Variants in ADAMTS2 observed in about 807,000 individuals in gnomAD.
ADAMTS2 encodes the protein A disintegrin and metalloproteinase with thrombospondin motifs 2.
ADAMTS2 carries 50 observed loss-of-function variants against 123.0 expected under a neutral mutation model. That is an observed-to-expected ratio of 0.41 (90% confidence interval 0.32 to 0.51). ADAMTS2 has a LOEUF of 0.51. ADAMTS2 is among the 20% of genes least tolerant of loss of function. The pLI, the probability that ADAMTS2 is intolerant of heterozygous loss-of-function variation, is 0.35. For missense variants in ADAMTS2, 1,494 were observed against 1,705.2 expected, an observed-to-expected ratio of 0.88 and a Z score of 2.18; for synonymous variants, 678 against 695.4, an observed-to-expected ratio of 0.98 and a Z score of 0.39.
chr5:179,246,432 G>A (rs745959099), intron 3 of ADAMTS2, among the ~76,000 whole-genome samples: 2 of 152,124 alleles, frequency 1.3e-5, no homozygotes, highest in African/African-American at 2.4e-5. Context: ...GACAATAGTT[G>A]GGGCAAGACG....
rs1561792662 is a variant in ADAMTS2 at position 179,181,687 on chromosome 5, T to G, written c.892-532A>C. On this transcript the variant is annotated intron_variant, in intron 4 of 21. Coordinates refer to ENST00000251582, the MANE Select transcript of ADAMTS2 (RefSeq NM_014244.5). The surrounding 1 kb of genome is among the most constrained non-coding windows in gnomAD (Gnocchi z 4.1). ...TTAATAAAAAGCTCATATTACTGCATCCCCAATGTGCTCTCCCTGTTCTGT... is the reference window on the plus strand; with the variant it reads ...TTAATAAAAAGCTCATATTACTGCAGCCCCAATGTGCTCTCCCTGTTCTGT... Among the ~76,000 whole-genome samples, 1 of 152,164 alleles carries G rather than the reference T, an allele frequency of 6.6e-6. No individual in the cohort carries two copies. The highest frequency in any genetic ancestry group is 2.4e-5 in the African/African-American group (1 of 41,434).
chr5:179,191,036 C>A (rs185389695), intron 4 of ADAMTS2, among the ~76,000 whole-genome samples: 1 of 152,284 alleles, frequency 6.6e-6, no homozygotes, highest in African/African-American at 2.4e-5. Context: ...CCTTCCCACC[C>A]GCTGACCGGA....
chr5:179,212,095 T>C (rs1764866437), intron 3 of ADAMTS2, among the ~76,000 whole-genome samples: 1 of 152,218 alleles, frequency 6.6e-6, no homozygotes, highest in African/African-American at 2.4e-5. Flanking sequence ...GGAATGAGAA[T>C]TGTAGAAACA....
Position 179,170,390 on chromosome 5 carries a change from C to A in ADAMTS2, c.975+10682G>T, listed in dbSNP as rs558794616. On this transcript the variant is annotated intron_variant, in intron 5 of 21. Transcript: ENST00000251582. This position sits in a 1 kb window ranked among gnomAD's most constrained non-coding sequence, Gnocchi z 4.3. ...TGGTCTCACATCCCCCAGAGTCTGT[C>A]CCCACCGTGGGGGGGACAGCTCAGC... Among the ~76,000 whole-genome samples, 4 of 152,214 alleles carry A rather than the reference C, an allele frequency of 2.6e-5. No individual in the cohort carries two copies. In the South Asian group the frequency reaches 6.2e-4, roughly 24 times the overall value.
intron 4 of ADAMTS2, among the ~76,000 whole-genome samples, chr5:179,205,431 A>C (rs1764657267): frequency 6.6e-6 from 1 of 152,256 alleles, no homozygotes; most frequent in Admixed American, 6.5e-5. Flanking sequence ...AACCCCCACG[A>C]TGAAAACACT....
chr5:179,231,113 A>G (rs1109179), intron 3 of ADAMTS2, among the ~76,000 whole-genome samples: 114,634 of 151,970 alleles, frequency 0.75, 43,623 homozygotes, highest in East Asian at 0.99. Context: ...CCCCCTCCCC[A>G]CATGCACACG....
At chr5:179,258,104 T>C (rs1232433046) in intron 3 of ADAMTS2, among the ~76,000 whole-genome samples, 2 of 152,114 alleles carry the variant, frequency 1.3e-5, no homozygotes, top group Middle Eastern at 3.2e-3. Context: ...GATGCTCTCA[T>C]CCTGGGGGCT....
Position 179,137,844 on chromosome 5 carries a change from G to T in ADAMTS2, c.1876C>A (p.Gln626Lys). 1 of 1,568,976 alleles carries T rather than the reference G, an allele frequency of 6.4e-7. No homozygotes were observed. Among genetic ancestry groups the T allele is most frequent in the Non-Finnish European group, 8.6e-7 (1 of 1,158,506 alleles). ...AAGTACAGGTCCCACTGGCGGCACT[G>T]CTCCTCGCGGAAGTCAGCCAGGGAG... Reference protein sequence around the residue: ...PDSLADFREEQCRQWDLYFEH... With the variant: ...PDSLADFREEKCRQWDLYFEH... Residue 626 changes from glutamine (Q) to lysine (K), a missense_variant, in exon 12 of 22, where the codon CAG (glutamine) becomes AAG (lysine). Transcript: ENST00000251582.
At chr5:179,334,312 A>G (rs564448729) in intron 2 of ADAMTS2, among the ~76,000 whole-genome samples, 1 of 152,314 alleles carries the variant, frequency 6.6e-6, no homozygotes, top group African/African-American at 2.4e-5. Context: ...TTCCTGGCCC[A>G]GCAAAGTGGA....
At chr5:179,223,033 C>G (rs754078867) in intron 3 of ADAMTS2, among the ~76,000 whole-genome samples, 1 of 152,260 alleles carries the variant, frequency 6.6e-6, no homozygotes, top group Non-Finnish European at 1.5e-5. Context: ...TGCCCTCCAC[C>G]AGGACAAGTC....
At chr5:179,249,762 C>T (rs1765877671) in intron 3 of ADAMTS2, among the ~76,000 whole-genome samples, 1 of 152,120 alleles carries the variant, frequency 6.6e-6, no homozygotes, top group African/African-American at 2.4e-5. Flanking sequence ...TCATCAAAAA[C>T]TCCCAATAAA....
chr5:179,200,244 C>CTTTTTTTTTTT (rs1051856642), intron 4 of ADAMTS2, among the ~76,000 whole-genome samples: 24 of 103,694 alleles, frequency 2.3e-4, no homozygotes, highest in Non-Finnish European at 4.1e-4. Context: ...CCTTTCTTTC[C>CTTTTTTTTTTT]TTTTTTTTTT....
In ADAMTS2 at chr5:179,197,316, G is replaced by A. The variant is rs965377366; in HGVS notation, c.891+10197C>T. ...AACACATTGAGGCCTTAGGCTTCTC[G>A]GGAAGAGTAGGATTGAAATTAGCGC... On this transcript the variant is annotated intron_variant, in intron 4 of 21. Coordinates refer to ENST00000251582, the MANE Select transcript of ADAMTS2 (RefSeq NM_014244.5). This position sits in a 1 kb window ranked among gnomAD's most constrained non-coding sequence, Gnocchi z 4.2. 3.9e-5 allele frequency among the ~76,000 whole-genome samples: 6 copies of A among 152,192 alleles called. No individual in the cohort carries two copies. The highest frequency in any genetic ancestry group is 9.7e-5 in the African/African-American group (4 of 41,438).
Position 179,344,156 on chromosome 5 carries a change from G to T in ADAMTS2, c.145C>A (p.Pro49Thr). 1 of 1,589,620 alleles carries T rather than the reference G, an allele frequency of 6.3e-7. No individual in the cohort carries two copies. The highest frequency in any genetic ancestry group is 8.5e-7 in the Non-Finnish European group (1 of 1,170,700). Residue 49 changes from proline to threonine, a missense_variant, in exon 2 of 22, where the codon CCC (proline) becomes ACC (threonine). Physicochemically the swap from Pro to Thr is conservative, Grantham distance 38. Coordinates refer to ENST00000251582, the MANE Select transcript of ADAMTS2 (RefSeq NM_014244.5). ...ATGCGCTCCGCTCCGTGCCCCAGGG[G>T]CCCGCCTGCAACGGGAAGGGGCGTT... ...LAAAADPPGG[P>T]LGHGAERILA...
Position 179,272,941 on chromosome 5 carries a change from G to T in ADAMTS2, c.658C>A (p.Pro220Thr), listed in dbSNP as rs1271402752. ...VVYRRPPTSPPLGGPQALDTG... is the reference protein window; with the variant it reads ...VVYRRPPTSPTLGGPQALDTG... ...TCCAGGGCCTGTGGCCCCCCGAGAG[G>T]AGGGGACGTGGGTGGCCGGCGATAC... is the stretch of plus-strand genomic sequence containing the variant. Residue 220 changes from proline (P) to threonine (T), a missense_variant, in exon 3 of 22, where the codon CCT becomes ACT. Pro to Thr is a conservative substitution (Grantham distance 38, BLOSUM62 -1). Coordinates refer to ENST00000251582, the MANE Select transcript of ADAMTS2 (RefSeq NM_014244.5). This position sits in a 1 kb window ranked among gnomAD's most constrained non-coding sequence, Gnocchi z 5.8. 1.9e-6 allele frequency: 3 copies of T among 1,611,622 alleles called. No homozygotes were observed. The highest frequency in any genetic ancestry group is 2.5e-6 in the Non-Finnish European group (3 of 1,179,988).
In ADAMTS2 at chr5:179,153,515, G is replaced by A. The variant is rs1036827103; in HGVS notation, c.1491C>T (p.Gly497=). The part of the protein sequence containing the change: ...SMNEQCRFDF[G]LGYMMCTAFR... ...CCGCCGTGCACATCATGTAGCCCAG[G>A]CCGAAGTCAAAGCGGCATTGCTCGT... is the stretch of plus-strand genomic sequence containing the variant. Residue 497 remains glycine, a synonymous_variant, in exon 9 of 22, where the codon GGC becomes GGT. Transcript: ENST00000251582. 6.2e-7 allele frequency: 1 copy of A among 1,610,386 alleles called. No homozygotes were observed. The highest frequency in any genetic ancestry group is 2.2e-5 in the East Asian group (1 of 44,872).
intron 13 of ADAMTS2, among the ~76,000 whole-genome samples, chr5:179,134,910 C>A (rs185688557): frequency 1.6e-4 from 16 of 101,398 alleles, no homozygotes; most frequent in Middle Eastern, 6.0e-3. Flanking sequence ...CCGGCTCCAG[C>A]CCCCAGCTCC....
chr5:179,232,041 TTCTG>T (rs527623057), intron 3 of ADAMTS2, among the ~76,000 whole-genome samples: 5 of 152,328 alleles, frequency 3.3e-5, no homozygotes, highest in Middle Eastern at 3.4e-3. Flanking sequence ...TGCCTCCGCA[TTCTG>T]TCTTTTAAAA....
chr5:179,269,557 C>T (rs145883167), intron 3 of ADAMTS2, among the ~76,000 whole-genome samples: 5,416 of 152,210 alleles, frequency 0.036, 112 homozygotes, highest in Middle Eastern at 0.078. Context: ...AGACCCACCC[C>T]CATGATTCAA....
Sources: allele counts gnomAD v4.1 joint callset (sites outside exome capture counted in the v4.1 genomes callset), GRCh38; gene constraint gnomAD v4.1.1; non-coding constraint Gnocchi (gnomAD v3.1); transcripts MANE v1.5; gene names NCBI Gene and HGNC (gene_info 2026-07-23, HGNC 2026-07-21).